The following MFN2 variants were observed in gnomAD, a reference collection of about 807,000 sequenced individuals.
MFN2 encodes the protein mitofusin-2.
Under a neutral mutation model 87.5 loss-of-function variants are expected in MFN2, and 43 were observed. The observed-to-expected ratio is 0.49, with a 90% CI of 0.38 to 0.63. The LOEUF is 0.63. Ranked by LOEUF, MFN2 falls within the 30% of genes least tolerant of loss-of-function variation. MFN2 has a pLI of 0.00. For synonymous variants in MFN2, 337 were observed against 359.9 expected (o/e 0.94, Z 0.72); for missense variants, 743 against 972.8 (o/e 0.76, Z 3.14).
rs1553140706 is a variant in MFN2, at chr1:11,988,084, T to TGTGTGTGTG, written c.-4-1081_-4-1080insGTGTGTGTG. ...CTATACTAAAATAGACCAATAGTTT[T>TGTGTGTGTG]TGTGTGTGTGTGTGTGTGTGTGTGT... On this transcript the variant is annotated intron_variant, in intron 2 of 18. Coordinates refer to ENST00000235329, the MANE Select transcript of MFN2 (RefSeq NM_014874.4). Among the ~76,000 whole-genome samples the TGTGTGTGTG allele has an allele frequency of 8.1e-3, 1,168 of 144,326 alleles. 7 individuals carry two copies. Among genetic ancestry groups the TGTGTGTGTG allele is most frequent in the African/African-American group, 0.016 (627 of 39,666 alleles). The allele number at this position is 144,326 out of a possible 152,430, so 94.7% of individuals were successfully genotyped here. A position where few individuals can be genotyped will look rare whatever the true frequency, so the allele number is the denominator to read the frequency against.
chr1:12,001,904 C>A (rs2100840629), intron 10 of MFN2, 68 bp downstream of exon 10: 1 of 1,613,946 alleles, frequency 6.2e-7, no homozygotes, highest in East Asian at 2.2e-5. Context: ...GTGTCCCTGG[C>A]AGTGAAAACC....
intron 15 of MFN2, 116 bp downstream of exon 15, chr1:12,006,047 G>A: frequency 2.2e-6 from 2 of 919,608 alleles, no homozygotes; most frequent in South Asian, 1.4e-5. Context: ...GTGGTGGTGT[G>A]CCCCACCACA....
intron 3 of MFN2, 68 bp downstream of exon 3, chr1:11,989,411 G>T: frequency 6.4e-7 from 1 of 1,561,200 alleles, no homozygotes; most frequent in Non-Finnish European, 8.7e-7. Flanking sequence ...GGGATTTGCG[G>T]GTGGGGAGGT....
intron 6 of MFN2, 128 bp downstream of exon 6, chr1:11,997,549 G>T: frequency 7.6e-7 from 1 of 1,310,626 alleles, no homozygotes. Flanking sequence ...TTTCAGATGG[G>T]CTCAACCAAA....
chr1:11,988,930 G>T (rs944179726), intron 2 of MFN2, among the ~76,000 whole-genome samples: 1 of 152,038 alleles, frequency 6.6e-6, no homozygotes, highest in African/African-American at 2.4e-5. Context: ...TTGAACTCCT[G>T]ACCTCAGGTG....
chr1:11,995,373 C>T (rs1232781149), intron 4 of MFN2, among the ~76,000 whole-genome samples: 1 of 152,200 alleles, frequency 6.6e-6, no homozygotes, highest in East Asian at 1.9e-4. Flanking sequence ...TGGCTCATGC[C>T]TGTAATCCCA....
intron 2 of MFN2, among the ~76,000 whole-genome samples, chr1:11,984,689 G>A (rs542341470): frequency 1.3e-5 from 2 of 152,314 alleles, no homozygotes; most frequent in South Asian, 4.1e-4. Flanking sequence ...TCCCCTGAGA[G>A]GGGTGGACCC....
chr1:11,986,316 T>C (rs908077774), intron 2 of MFN2, among the ~76,000 whole-genome samples: 2 of 152,176 alleles, frequency 1.3e-5, no homozygotes, highest in African/African-American at 4.8e-5. Context: ...ATTTCCAATC[T>C]AGAGAGAGTG....
intron 2 of MFN2, among the ~76,000 whole-genome samples, chr1:11,985,403 T>C (rs1638353889): frequency 1.3e-5 from 2 of 151,498 alleles, no homozygotes; most frequent in African/African-American, 4.9e-5. Flanking sequence ...CAGCTCTGCC[T>C]GATTACAAAA....
At chr1:12,002,129 T>G (rs1569854740) in intron 11 of MFN2, 26 bp downstream of exon 11, 1 of 1,613,910 alleles carries the variant, frequency 6.2e-7, no homozygotes, top group Non-Finnish European at 8.5e-7. Context: ...TGCAGATAGG[T>G]GGAGAGAGCT....
chr1:11,988,953 C>G (rs1638549473), intron 2 of MFN2, among the ~76,000 whole-genome samples: 1 of 152,114 alleles, frequency 6.6e-6, no homozygotes, highest in African/African-American at 2.4e-5. Context: ...CCACCTGCCT[C>G]AACCTCCCAA....
At chr1:11,991,049 G>A (rs146524057) in intron 3 of MFN2, among the ~76,000 whole-genome samples, 2 of 152,356 alleles carry the variant, frequency 1.3e-5, no homozygotes, top group African/African-American at 4.8e-5. Context: ...ACACCCGTCT[G>A]TGTTCCAGCC....
At position 12,006,581 on chromosome 1, in the gene MFN2, C is replaced by A; in HGVS notation, c.1760C>A (p.Pro587His). Residue 587 changes from proline (P) to histidine (H), a missense_variant, in exon 16 of 19, where the codon CCC becomes CAC. Pro to His is a moderately conservative substitution (Grantham distance 77). This residue lies in a region of MFN2 where 571 missense variants were observed against 670.7 expected (regional missense o/e 0.85). Coordinates refer to ENST00000235329, the MANE Select transcript of MFN2 (RefSeq NM_014874.4). ...CTGACGCCAGCCAACCCCAGCATGC[C>A]CCCACTGCCACAGGGCTCGCTCACC... Reference protein sequence around the residue: ...IPLTPANPSMPPLPQGSLTQE... With the variant: ...IPLTPANPSMHPLPQGSLTQE... 1 of 1,614,226 alleles carries A rather than the reference C, an allele frequency of 6.2e-7. No individual in the cohort carries two copies. The highest frequency in any genetic ancestry group is 8.5e-7 in the Non-Finnish European group (1 of 1,180,046).
At chr1:11,991,845 A>ACC (rs1324358413) in intron 3 of MFN2, among the ~76,000 whole-genome samples, 1 of 135,062 alleles carries the variant, frequency 7.4e-6, no homozygotes, top group Non-Finnish European at 1.6e-5. Context: ...AATGGCGTGA[A>ACC]CCCGGGAGGC....
Position 12,007,041 on chromosome 1 carries a change from T to C in MFN2, c.1873-12T>C. ...GAGAGGCTGCACTCCAGGCTGACCA[T>C]GTGCTCTGCAGGTGTGGAAGGCAGT... On this transcript the variant is annotated splice_polypyrimidine_tract_variant and intron_variant, in intron 16 of 18. Coordinates refer to ENST00000235329, the MANE Select transcript of MFN2 (RefSeq NM_014874.4). 2 of 1,613,036 alleles carry C rather than the reference T, an allele frequency of 1.2e-6. No homozygotes were observed. The highest frequency in any genetic ancestry group is 3.8e-4 in the Middle Eastern group (2 of 5,204).
intron 6 of MFN2, 30 bp from the exon 7 acceptor site, chr1:11,998,740 G>A: frequency 6.3e-7 from 1 of 1,599,472 alleles, no homozygotes; most frequent in Non-Finnish European, 8.6e-7. Flanking sequence ...TGCTCTGCCT[G>A]ATGATTTGGT....
intron 8 of MFN2, 118 bp from the exon 9 acceptor site, chr1:12,001,283 G>A (rs1208475934): frequency 7.1e-7 from 1 of 1,410,042 alleles, no homozygotes; most frequent in Admixed American, 2.0e-5. Context: ...AAAGTGCTGG[G>A]ATTACAGGCG....
chr1:12,003,931 C>G lies in MFN2; in HGVS notation c.1161-61C>G. On this transcript the variant is annotated intron_variant, in intron 11 of 18. Transcript: ENST00000235329. The surrounding 1 kb of genome is among the most constrained non-coding windows in gnomAD (Gnocchi z 4.1). ...GGCGGCGTGGGATTTCTGGCATCCC[C>G]TCTTGCTCCTCTGCTTAGTCAGACA... The G allele has an allele frequency of 6.2e-7, 1 of 1,611,754 alleles. No homozygotes were observed. Among genetic ancestry groups the G allele is most frequent in the Non-Finnish European group, 8.5e-7 (1 of 1,178,342 alleles).
In MFN2 at chr1:11,998,109, G is replaced by C. The variant is rs367788736; in HGVS notation, c.600-661G>C. Among the ~76,000 whole-genome samples, 283 of 151,178 alleles carry C rather than the reference G, an allele frequency of 1.9e-3. 3 individuals carry two copies. Among genetic ancestry groups the C allele is most frequent in the East Asian group, 3.8e-3 (19 of 5,048 alleles). On this transcript the variant is annotated intron_variant, in intron 6 of 18. Transcript: ENST00000235329. ...ATGTTGGCCAGGCTGGTCTTGAACT[G>C]CTGACCTCATGATCCGCCCACCTTA...
Sources: allele counts gnomAD v4.1 joint callset (sites outside exome capture counted in the v4.1 genomes callset), GRCh38; gene constraint gnomAD v4.1.1; regional missense constraint gnomAD v4.1.1; non-coding constraint Gnocchi (gnomAD v3.1); transcripts MANE v1.5; gene names NCBI Gene and HGNC (gene_info 2026-07-23, HGNC 2026-07-21).